The following TPO variants were observed in gnomAD, a reference collection of about 807,000 sequenced individuals.
TPO encodes thyroid peroxidase.
In TPO, 78 loss-of-function variants were observed where a neutral mutation model predicts 96.9. The observed-to-expected ratio is 0.81, with a 90% CI of 0.67 to 0.97. TPO has a LOEUF of 0.97. Among genes scored for constraint, TPO ranks in the 50% least tolerant of loss-of-function variants. The pLI is 0.00. For synonymous variants in TPO, 547 were observed against 538.0 expected, an observed-to-expected ratio of 1.02 and a Z score of -0.23; for missense variants, 1,252 against 1,274.8, an observed-to-expected ratio of 0.98 and a Z score of 0.27.
chr2:1,506,613 T>G (rs913084477), intron 14 of TPO, among the ~76,000 whole-genome samples: 13 of 152,230 alleles, frequency 8.5e-5, no homozygotes, highest in Non-Finnish European at 8.8e-5. Flanking sequence ...GTGGTTTTGA[T>G]TTGCATTTCT....
intron 1 of TPO, among the ~76,000 whole-genome samples, chr2:1,380,071 T>G (rs192028274): frequency 1.7e-3 from 265 of 152,332 alleles, no homozygotes; most frequent in African/African-American, 6.0e-3. Flanking sequence ...TTTTATTTGA[T>G]AACCCTGAAA....
At chr2:1,496,449 TG>T in intron 12 of TPO, 145 bp from the exon 13 acceptor site, 1 of 1,188,184 alleles carries the variant, frequency 8.4e-7, no homozygotes, top group Non-Finnish European at 1.2e-6. Context: ...GTGTGCTGCG[TG>T]GGTGCTCAGT....
chr2:1,505,956 C>A (rs1251654409), intron 14 of TPO, among the ~76,000 whole-genome samples: 1 of 151,086 alleles, frequency 6.6e-6, no homozygotes, highest in Non-Finnish European at 1.5e-5. Context: ...TGGTGTGCTG[C>A]ACCCATTAAC....
chr2:1,416,258 T>C (rs1413981706), intron 2 of TPO, among the ~76,000 whole-genome samples: 1 of 152,244 alleles, frequency 6.6e-6, no homozygotes, highest in Non-Finnish European at 1.5e-5. Context: ...TCAGTCACTC[T>C]ATCACCTGGA....
At chr2:1,529,405 C>T (rs1415968292) in intron 15 of TPO, among the ~76,000 whole-genome samples, 1 of 92,866 alleles carries the variant, frequency 1.1e-5, no homozygotes, top group South Asian at 3.8e-4. Flanking sequence ...CTGTCTGCAA[C>T]ATCCCCAAAT....
rs146748884 is a variant in TPO at position 1,428,548 on chromosome 2, C to G, written c.180-4890C>G. Reference sequence around the variant, plus strand: ...AGAGCTGAGCTCAGTTTCCCAGACCCCTGCTTTCCTGACGTACCCCTTTTG... The same window carrying G: ...AGAGCTGAGCTCAGTTTCCCAGACCGCTGCTTTCCTGACGTACCCCTTTTG... On this transcript the variant is annotated intron_variant, in intron 3 of 16. Coordinates refer to ENST00000329066, the MANE Select transcript of TPO (RefSeq NM_001206744.2). Among the ~76,000 whole-genome samples, 414 of 152,276 alleles carry G rather than the reference C, an allele frequency of 2.7e-3. 5 individuals carry two copies. Among genetic ancestry groups the G allele is most frequent in the African/African-American group, 8.7e-3 (362 of 41,564 alleles).
In TPO at chr2:1,478,435, G is replaced by A. The variant is rs374264484; in HGVS notation, c.1338+831G>A. ...GCGCGTCAGTCCTGTTCTAAAGGAG[G>A]CACTGGAGCCTTGTCCGAGGAGGCA... is the stretch of plus-strand genomic sequence containing the variant. On this transcript the variant is annotated intron_variant, in intron 8 of 16. Transcript: ENST00000329066. The A allele has an allele frequency of 4.3e-5, 42 of 978,688 alleles. No homozygotes were observed. In the African/African-American group the frequency reaches 6.8e-4, roughly 16 times the overall value. The allele number at this position is 978,688 out of a possible 1,614,324, so 60.6% of individuals were successfully genotyped here.
chr2:1,396,427 TCTTCC>T (rs557440456), intron 1 of TPO, among the ~76,000 whole-genome samples: 80 of 152,304 alleles, frequency 5.3e-4, no homozygotes, highest in African/African-American at 1.8e-3. Flanking sequence ...CACAGCAATG[TCTTCC>T]GCAGCTGAGA....
At chr2:1,480,799 C>CACCACGTCCCTG (rs1670533328) in intron 8 of TPO, among the ~76,000 whole-genome samples, 9 of 97,750 alleles carry the variant, frequency 9.2e-5, no homozygotes, top group East Asian at 9.0e-4. Context: ...CCACCTTCCT[C>CACCACGTCCCTG]CTGCTGCATC....
chr2:1,433,423 C>T lies in TPO; in HGVS notation c.180-15C>T, dbSNP rs1396255658. ...AGACAAATAATCTATTTTATATCTT[C>T]TTTATGTGCCATAGAAACCTCAAGA... On this transcript the variant is annotated splice_polypyrimidine_tract_variant and intron_variant, in intron 3 of 16. Transcript: ENST00000329066. 2.5e-6 allele frequency: 4 copies of T among 1,613,906 alleles called. No individual in the cohort carries two copies. In the Admixed American group the frequency reaches 6.7e-5, roughly 27 times the overall value.
chr2:1,469,734 T>C (rs1211521930), intron 7 of TPO, among the ~76,000 whole-genome samples: 2 of 152,152 alleles, frequency 1.3e-5, no homozygotes, highest in African/African-American at 4.8e-5. Flanking sequence ...ATCTAGACCT[T>C]CAGGTTCCGC....
chr2:1,444,109 T>G (rs1666508013), intron 5 of TPO, among the ~76,000 whole-genome samples: 2 of 138,508 alleles, frequency 1.4e-5, no homozygotes, highest in African/African-American at 2.8e-5. Context: ...TGGGGCAGGC[T>G]CCTTCTTGTT....
Position 1,542,629 on chromosome 2 carries a change from T to C in TPO, c.*155T>C. 6.5e-7 allele frequency: 1 copy of C among 1,548,276 alleles called. No homozygotes were observed. The highest frequency in any genetic ancestry group is 8.7e-7 in the Non-Finnish European group (1 of 1,144,248). ...TGTCGTAGTTACTCTCAGGCATGGA[T>C]GAATAAATGTTATAGCTGCATTTGT... On this transcript the variant is annotated 3_prime_UTR_variant, in exon 17 of 17. Transcript: ENST00000329066.
chr2:1,438,573 C>G (rs4425119), intron 5 of TPO, among the ~76,000 whole-genome samples: 36,545 of 143,284 alleles, frequency 0.26, 4,881 homozygotes, highest in South Asian at 0.39. Context: ...GGGCCACCCC[C>G]CACCCACCCC....
chr2:1,524,079 G>C (rs112464911), intron 15 of TPO, among the ~76,000 whole-genome samples: 169 of 49,926 alleles, frequency 3.4e-3, no homozygotes, highest in Middle Eastern at 0.036. Context: ...TCCTGCCACT[G>C]TGTGCAACCT....
intron 1 of TPO, among the ~76,000 whole-genome samples, chr2:1,394,928 C>T (rs1163103260): frequency 5.3e-5 from 8 of 152,242 alleles, no homozygotes; most frequent in East Asian, 1.9e-4. Flanking sequence ...CTAGTCACCG[C>T]GCAGGGCCTC....
At position 1,496,856 on chromosome 2, in the gene TPO, A is replaced by C; in HGVS notation, c.2386+91A>C. ...ATGTCATTGAAAATTTCTTCGCCAA[A>C]AGGTGCTTCTGAAACTGTTATCTTC... On this transcript the variant is annotated intron_variant, in intron 13 of 16. Transcript: ENST00000329066. 7.6e-6 allele frequency: 12 copies of C among 1,584,656 alleles called. No homozygotes were observed. In the South Asian group the frequency reaches 1.1e-4, roughly 15 times the overall value.
chr2:1,516,424 A>G (rs1674714196), intron 14 of TPO, among the ~76,000 whole-genome samples: 2 of 152,148 alleles, frequency 1.3e-5, no homozygotes, highest in Non-Finnish European at 2.9e-5. Flanking sequence ...CTTCTGGGAA[A>G]GATAAAATGC....
rs1450076254 is a variant in TPO at position 1,488,523 on chromosome 2, C to G, written c.1768+532C>G. ...CCTGCCTTTCCCAGGCCCCACCCGG[C>G]AGCCTCCTCCCTGACCTGCCCAGTT... is the stretch of plus-strand genomic sequence containing the variant. On this transcript the variant is annotated intron_variant, in intron 10 of 16. Coordinates refer to ENST00000329066, the MANE Select transcript of TPO (RefSeq NM_001206744.2). Among the ~76,000 whole-genome samples, 3 of 152,164 alleles carry G rather than the reference C, an allele frequency of 2.0e-5. 1 individual carries two copies. The highest frequency in any genetic ancestry group is 7.2e-5 in the African/African-American group (3 of 41,458).
Sources: allele counts gnomAD v4.1 joint callset (sites outside exome capture counted in the v4.1 genomes callset), GRCh38; gene constraint gnomAD v4.1.1; transcripts MANE v1.5; gene names NCBI Gene and HGNC (gene_info 2026-07-23, HGNC 2026-07-21).